The following ZNF771 variants were observed in gnomAD, a reference collection of about 807,000 sequenced individuals.
The protein encoded by ZNF771 is mesenchymal stem cell protein DSC43.
In ZNF771, 10 loss-of-function variants were observed where a neutral mutation model predicts 27.6. The ratio of observed to expected loss-of-function variants is 0.36; its 90% CI spans 0.22 to 0.61. The LOEUF (loss-of-function observed/expected upper bound fraction) is 0.61. ZNF771 is among the 20% of genes least tolerant of loss of function. The probability of loss-of-function intolerance (pLI) is 0.70; values close to 1 mark genes in which losing one functional copy is unlikely to be tolerated. For missense variants in ZNF771, 438 were observed against 503.7 expected, an observed-to-expected ratio of 0.87 and a Z score of 1.25; for synonymous variants, 261 against 225.2, an observed-to-expected ratio of 1.16 and a Z score of -1.43.
At chr16:30,415,382 C>CTTTTTTTT (rs397854803) in intron 2 of ZNF771, among the ~76,000 whole-genome samples, 2 of 132,220 alleles carry the variant, frequency 1.5e-5, no homozygotes, top group African/African-American at 2.9e-5. Flanking sequence ...TGCTGTCACC[C>CTTTTTTTT]TTTTTTTTTT....
chr16:30,409,433 C>A (rs1320009639), intron 2 of ZNF771, among the ~76,000 whole-genome samples: 1 of 152,094 alleles, frequency 6.6e-6, no homozygotes, highest in Admixed American at 6.6e-5. Context: ...GTTTTGAGAT[C>A]AGAATATGAG....
chr16:30,415,209 C>T (rs897230017), intron 2 of ZNF771, among the ~76,000 whole-genome samples: 1 of 151,530 alleles, frequency 6.6e-6, no homozygotes, highest in Non-Finnish European at 1.5e-5. Context: ...CCGCCCACCT[C>T]GATCTCCCAA....
At chr16:30,415,475 C>A (rs1265819264) in intron 2 of ZNF771, among the ~76,000 whole-genome samples, 28 of 151,116 alleles carry the variant, frequency 1.9e-4, no homozygotes, top group Non-Finnish European at 4.4e-5. Flanking sequence ...CCTCCACCTC[C>A]CGGGTTCAAG....
intron 2 of ZNF771, among the ~76,000 whole-genome samples, chr16:30,411,423 G>A (rs1216155010): frequency 1.3e-5 from 2 of 152,182 alleles, no homozygotes; most frequent in African/African-American, 4.8e-5. Context: ...CTCTAAGGTA[G>A]TAACAGCAAT....
intron 2 of ZNF771, among the ~76,000 whole-genome samples, chr16:30,415,791 GC>G (rs1475992098): frequency 6.6e-6 from 1 of 152,142 alleles, no homozygotes; most frequent in African/African-American, 2.4e-5. Flanking sequence ...TCCTTAATAT[GC>G]CCCAGGCACT....
At chr16:30,416,600 G>A (rs959063117) in intron 2 of ZNF771, among the ~76,000 whole-genome samples, 4 of 152,072 alleles carry the variant, frequency 2.6e-5, no homozygotes, top group African/African-American at 9.7e-5. Context: ...CTGGGTATGA[G>A]CCACTATCTT....
intron 2 of ZNF771, among the ~76,000 whole-genome samples, chr16:30,411,869 TGTCCAGAAG>T (rs1355917371): frequency 6.6e-6 from 1 of 152,206 alleles, no homozygotes; most frequent in East Asian, 1.9e-4. Context: ...GGCCAGTCAC[TGTCCAGAAG>T]GGCCTTAATT....
chr16:30,412,059 A>G (rs889348115), intron 2 of ZNF771, among the ~76,000 whole-genome samples: 1 of 152,234 alleles, frequency 6.6e-6, no homozygotes, highest in Admixed American at 6.5e-5. Context: ...TAAACTTGGC[A>G]TTCAAAGCTC....
intron 2 of ZNF771, among the ~76,000 whole-genome samples, chr16:30,415,822 T>C (rs1191440127): frequency 6.6e-6 from 1 of 152,208 alleles, no homozygotes; most frequent in African/African-American, 2.4e-5. Flanking sequence ...CATGAATTAA[T>C]TGCTTGGCCA....
At chr16:30,409,670 G>A (rs957374247) in intron 2 of ZNF771, among the ~76,000 whole-genome samples, 1 of 152,170 alleles carries the variant, frequency 6.6e-6, no homozygotes, top group African/African-American at 2.4e-5. Flanking sequence ...GCTGGGTGCT[G>A]GGGGAGGGGA....
At chr16:30,412,990 G>A (rs1181945223) in intron 2 of ZNF771, among the ~76,000 whole-genome samples, 1 of 152,174 alleles carries the variant, frequency 6.6e-6, no homozygotes, top group Non-Finnish European at 1.5e-5. Context: ...GCCATGGCGA[G>A]AATTTAGAAA....
intron 1 of ZNF771, 149 bp from the exon 2 acceptor site, chr16:30,407,895 TG>T: frequency 1.8e-6 from 1 of 541,228 alleles, no homozygotes; most frequent in South Asian, 2.0e-5. Flanking sequence ...GGGGCCGGGC[TG>T]GGGTGGACGG....
At position 30,417,715 on chromosome 16, in the gene ZNF771, C is replaced by T; in HGVS notation, c.302C>T (p.Ser101Leu). ...TGCACCGAGTGCGGGCGGCGCTTCT[C>T]ACAGAAGTCGGCGCTGACCAAACAC... ...FGCTECGRRF[S>L]QKSALTKHGR... The change falls in exon 3 of 3, where the codon TCA becomes TTA. Residue 101 changes from serine to leucine, a missense_variant. Physicochemically the swap from Ser to Leu is moderately radical, Grantham distance 145. Coordinates refer to ENST00000319296, the MANE Select transcript of ZNF771 (RefSeq NM_001142305.2). The T allele has an allele frequency of 7.2e-7, 1 of 1,393,362 alleles. No homozygotes were observed. Among genetic ancestry groups the T allele is most frequent in the Non-Finnish European group, 9.3e-7 (1 of 1,077,882 alleles). The allele number at this position is 1,393,362 out of a possible 1,614,324, so 86.3% of individuals were successfully genotyped here.
chr16:30,415,256 C>T (rs536637035), intron 2 of ZNF771, among the ~76,000 whole-genome samples: 1 of 152,018 alleles, frequency 6.6e-6, no homozygotes, highest in East Asian at 1.9e-4. Flanking sequence ...CCACGCCTGG[C>T]TTATTTTCTA....
chr16:30,416,839 A>G (rs2050136492), intron 2 of ZNF771, among the ~76,000 whole-genome samples: 1 of 150,738 alleles, frequency 6.6e-6, no homozygotes, highest in Non-Finnish European at 1.5e-5. Flanking sequence ...AACTCCAGCT[A>G]CTCAGAAGGC....
intron 2 of ZNF771, among the ~76,000 whole-genome samples, chr16:30,408,592 C>G (rs562820801): frequency 6.6e-6 from 1 of 152,158 alleles, no homozygotes; most frequent in Non-Finnish European, 1.5e-5. Flanking sequence ...AATAGCTAAC[C>G]CTTGCCTAGC....
chr16:30,416,920 T>TAA lies in ZNF771; in HGVS notation c.142-614_142-613dup, dbSNP rs34982677. 3.5e-3 allele frequency among the ~76,000 whole-genome samples: 357 copies of TAA among 100,784 alleles called. 1 individual carries two copies. The highest frequency in any genetic ancestry group is 0.019 in the South Asian group (53 of 2,854). The allele number at this position is 100,784 out of a possible 152,430, so 66.1% of individuals were successfully genotyped here. On this transcript the variant is annotated intron_variant, in intron 2 of 2. Transcript: ENST00000319296. ...TGGGCCACGGCAAGACCCTGTCTCT[T>TAA]AAAAAAAAAAAAAAAAAAAAAAGCC...
At chr16:30,409,597 G>C (rs974353618) in intron 2 of ZNF771, among the ~76,000 whole-genome samples, 1 of 152,194 alleles carries the variant, frequency 6.6e-6, no homozygotes, top group African/African-American at 2.4e-5. Flanking sequence ...CCGGGACTCT[G>C]ATTCTTCCTG....
At chr16:30,407,991 G>T (rs1223617064) in intron 1 of ZNF771, 54 bp from the exon 2 acceptor site, 2 of 918,994 alleles carry the variant, frequency 2.2e-6, no homozygotes, top group African/African-American at 3.6e-5. Flanking sequence ...GGTGGGCGGG[G>T]GGGGGGGTGG....
Sources: allele counts gnomAD v4.1 joint callset (sites outside exome capture counted in the v4.1 genomes callset), GRCh38; gene constraint gnomAD v4.1.1; transcripts MANE v1.5; gene names NCBI Gene and HGNC (gene_info 2026-07-23, HGNC 2026-07-21).